The following CNTNAP2 variants were observed in gnomAD, a reference collection of about 807,000 sequenced individuals.
CNTNAP2 encodes the protein contactin-associated protein-like 2.
Under a neutral mutation model 155.2 loss-of-function variants are expected in CNTNAP2, and 98 were observed. The ratio of observed to expected loss-of-function variants is 0.63; its 90% CI spans 0.54 to 0.75. The LOEUF is 0.75. CNTNAP2 is among the 30% of genes least tolerant of loss of function. The probability of loss-of-function intolerance (pLI) is 0.00; values close to 1 mark genes in which losing one functional copy is unlikely to be tolerated. For missense variants in CNTNAP2, 1,727 were observed against 1,688.1 expected (o/e 1.02, Z -0.40); for synonymous variants, 651 against 631.2 (o/e 1.03, Z -0.47).
chr7:147,210,120 G>C (rs1293283688), intron 8 of CNTNAP2, among the ~76,000 whole-genome samples: 1 of 151,956 alleles, frequency 6.6e-6, no homozygotes, highest in African/African-American at 2.4e-5. Context: ...AGTGAGTTAG[G>C]GTGGAACCCC....
intron 1 of CNTNAP2, among the ~76,000 whole-genome samples, chr7:146,699,111 T>A (rs899846955): frequency 3.9e-5 from 6 of 152,138 alleles, no homozygotes; most frequent in African/African-American, 1.4e-4. Flanking sequence ...GTTTCTGCTG[T>A]ATCTAAGTAG....
chr7:147,102,645 G>T (rs1262591997), intron 4 of CNTNAP2, among the ~76,000 whole-genome samples: 2 of 152,152 alleles, frequency 1.3e-5, no homozygotes, highest in Non-Finnish European at 2.9e-5. Context: ...CAAAGTAGAA[G>T]TGATTTTCAG....
At chr7:147,651,197 G>C (rs902306841) in intron 13 of CNTNAP2, among the ~76,000 whole-genome samples, 1 of 152,156 alleles carries the variant, frequency 6.6e-6, no homozygotes. Context: ...CGGAAGCTGG[G>C]GCACACTATC....
chr7:146,640,356 G>C (rs1799684235), intron 1 of CNTNAP2, among the ~76,000 whole-genome samples: 2 of 152,142 alleles, frequency 1.3e-5, no homozygotes, highest in African/African-American at 2.4e-5. Context: ...TTGGTGGCTG[G>C]TTCTAATTTG....
chr7:147,363,101 C>A (rs143206200), intron 9 of CNTNAP2, among the ~76,000 whole-genome samples: 281 of 152,184 alleles, frequency 1.8e-3, no homozygotes, highest in African/African-American at 6.4e-3. Context: ...TAGCATCCAA[C>A]GGGATGCTAA....
At position 147,655,593 on chromosome 7, in the gene CNTNAP2, T is replaced by G. The variant is rs183810145; in HGVS notation, c.2098+16287T>G. On this transcript the variant is annotated intron_variant, in intron 13 of 23. Coordinates refer to ENST00000361727, the MANE Select transcript of CNTNAP2 (RefSeq NM_014141.6). ...AGCAGTAATATTTTGAAAGGAATAT[T>G]TATTATTTTTTCTGGGCAGTAACTC... Among the ~76,000 whole-genome samples the G allele has an allele frequency of 7.1e-3, 1,084 of 152,312 alleles. 14 individuals are homozygous for G. Among genetic ancestry groups the G allele is most frequent in the African/African-American group, 0.025 (1,025 of 41,560 alleles).
chr7:147,901,741 C>T (rs58302001), intron 13 of CNTNAP2, among the ~76,000 whole-genome samples: 3,286 of 152,228 alleles, frequency 0.022, 126 homozygotes, highest in East Asian at 0.17. Context: ...CCCCACTCTC[C>T]TCTGTGTTCA....
chr7:146,589,456 G>C (rs1798747558), intron 1 of CNTNAP2, among the ~76,000 whole-genome samples: 2 of 152,078 alleles, frequency 1.3e-5, no homozygotes, highest in African/African-American at 4.8e-5. Flanking sequence ...GCAGGGACAT[G>C]GAAGAAGCTG....
intron 21 of CNTNAP2, among the ~76,000 whole-genome samples, chr7:148,328,869 A>G (rs4725775): frequency 0.8 from 121,278 of 150,790 alleles, 48,831 homozygotes; most frequent in African/African-American, 0.83. Flanking sequence ...CCAGCTACTC[A>G]GGAGGTTGAG....
intron 1 of CNTNAP2, among the ~76,000 whole-genome samples, chr7:146,666,717 T>G (rs1382303734): frequency 1.3e-5 from 2 of 152,222 alleles, no homozygotes; most frequent in Non-Finnish European, 2.9e-5. Flanking sequence ...GCTATCACAT[T>G]GTGGTTTTAA....
At chr7:146,521,649 A>T (rs1797618433) in intron 1 of CNTNAP2, among the ~76,000 whole-genome samples, 1 of 152,018 alleles carries the variant, frequency 6.6e-6, no homozygotes, top group African/African-American at 2.4e-5. Flanking sequence ...CACCCCAACT[A>T]TCAGACCTTT....
chr7:146,387,261 G>GGTCAT (rs1477257921), intron 1 of CNTNAP2, among the ~76,000 whole-genome samples: 1 of 152,080 alleles, frequency 6.6e-6, no homozygotes, highest in African/African-American at 2.4e-5. Flanking sequence ...CTGCACTGGA[G>GGTCAT]GTCATAGTTA....
In CNTNAP2 at chr7:146,392,583, G is replaced by T. The variant is rs1795560586; in HGVS notation, c.97+275610G>T. Among the ~76,000 whole-genome samples the T allele has an allele frequency of 2.6e-5, 4 of 152,288 alleles. 1 individual carries two copies. Among genetic ancestry groups the T allele is most frequent in the African/African-American group, 9.6e-5 (4 of 41,556 alleles). ...AAATATTCGGAATTTATGTGACACT[G>T]GATAATACTAAATGCTCATTCTGGT... On this transcript the variant is annotated intron_variant, in intron 1 of 23. Transcript: ENST00000361727.
chr7:147,165,685 G>C (rs2116463434), intron 8 of CNTNAP2, among the ~76,000 whole-genome samples: 1 of 152,232 alleles, frequency 6.6e-6, no homozygotes, highest in East Asian at 1.9e-4. Flanking sequence ...TCATTCTTCT[G>C]TATGTGGCTT....
Position 147,095,892 on chromosome 7 carries a change from G to GCAA in CNTNAP2, c.551-12248_551-12246dup, listed in dbSNP as rs531823851. On this transcript the variant is annotated intron_variant, in intron 4 of 23. Coordinates refer to ENST00000361727, the MANE Select transcript of CNTNAP2 (RefSeq NM_014141.6). ...AAGCCCACCCTTCCCTTTAGCAGCA[G>GCAA]CAACAACAAAACGACAGGCAGCTTC... is the stretch of plus-strand genomic sequence containing the variant. 8.5e-4 allele frequency among the ~76,000 whole-genome samples: 129 copies of GCAA among 152,238 alleles called. 1 individual carries two copies. The South Asian group carries it at 0.026, about 30-fold the overall frequency.
intron 12 of CNTNAP2, among the ~76,000 whole-genome samples, chr7:147,571,660 A>G (rs1362990122): frequency 6.6e-6 from 1 of 152,180 alleles, no homozygotes; most frequent in Non-Finnish European, 1.5e-5. Context: ...GAAATCATGT[A>G]GAAATGAGGA....
rs147942698 is a variant in CNTNAP2 at position 147,486,458 on chromosome 7, A to T, written c.1777+417A>T. Reference sequence around the variant, plus strand: ...GGTAATTGGAACATTTAGTTTCTGGATGATGGCTGCCTCATGCTTTAGCCC... The same window carrying T: ...GGTAATTGGAACATTTAGTTTCTGGTTGATGGCTGCCTCATGCTTTAGCCC... On this transcript the variant is annotated intron_variant, in intron 11 of 23. Transcript: ENST00000361727. 6.0e-4 allele frequency among the ~76,000 whole-genome samples: 91 copies of T among 152,304 alleles called. 1 individual carries two copies. The highest frequency in any genetic ancestry group is 1.0e-3 in the South Asian group (5 of 4,824).
intron 21 of CNTNAP2, among the ~76,000 whole-genome samples, chr7:148,375,217 T>G (rs928020952): frequency 6.0e-5 from 9 of 149,904 alleles, no homozygotes; most frequent in African/African-American, 2.2e-4. Context: ...CAACTATATA[T>G]GTATAGTTAT....
intron 1 of CNTNAP2, among the ~76,000 whole-genome samples, chr7:146,407,322 G>A (rs1795806488): frequency 6.6e-6 from 1 of 152,152 alleles, no homozygotes; most frequent in Admixed American, 6.5e-5. Flanking sequence ...GATAAGTATA[G>A]TGAGAATCAT....
Sources: allele counts gnomAD v4.1 joint callset (sites outside exome capture counted in the v4.1 genomes callset), GRCh38; gene constraint gnomAD v4.1.1; transcripts MANE v1.5; gene names NCBI Gene and HGNC (gene_info 2026-07-23, HGNC 2026-07-21).